CACNA1B: variants seen among roughly 807,000 people sequenced by gnomAD.
CACNA1B encodes voltage-dependent N-type calcium channel subunit alpha-1B.
Under a neutral mutation model 247.2 loss-of-function variants are expected in CACNA1B, and 70 were observed. The observed-to-expected ratio is 0.28, with a 90% confidence interval of 0.23 to 0.35. The LOEUF is 0.35. Ranked by LOEUF, CACNA1B falls within the 10% of genes least tolerant of loss-of-function variation. The pLI is 1.00. For missense variants in CACNA1B, 2,367 were observed against 3,197.4 expected (o/e 0.74, Z 6.26); for synonymous variants, 1,231 against 1,294.4 (o/e 0.95, Z 1.05).
chr9:137,935,782 C>CT (rs71387877), intron 6 of CACNA1B, among the ~76,000 whole-genome samples: 3,402 of 146,650 alleles, frequency 0.023, 48 homozygotes, highest in Middle Eastern at 0.072. Flanking sequence ...CTGACTTTTT[C>CT]TTTTTTTTTT....
intron 3 of CACNA1B, among the ~76,000 whole-genome samples, chr9:137,910,442 G>C (rs1023784997): frequency 6.6e-6 from 1 of 152,132 alleles, no homozygotes; most frequent in Non-Finnish European, 1.5e-5. Context: ...CCAGAGGTCG[G>C]GGGATGGTTT....
chr9:137,921,924 A>ACGGTCAGCACCACGGCCGCGCAGCATCC lies in CACNA1B; in HGVS notation c.966+4493_966+4494insCGGTCAGCACCACGGCCGCGCAGCATCC, dbSNP rs1957487062. On this transcript the variant is annotated intron_variant, in intron 6 of 46. Transcript: ENST00000371372. ...GAGCAGAGTAAAGCGTTCGGAGAACATGGTCAGCACCACGACCGCACAGCA... is the reference window on the plus strand; with the variant it reads ...GAGCAGAGTAAAGCGTTCGGAGAACACGGTCAGCACCACGGCCGCGCAGCATCCTGGTCAGCACCACGACCGCACAGCA... Among the ~76,000 whole-genome samples the ACGGTCAGCACCACGGCCGCGCAGCATCC allele has an allele frequency of 1.4e-5, 2 of 145,982 alleles. 1 individual carries two copies. The highest frequency in any genetic ancestry group is 1.4e-4 in the Admixed American group (2 of 14,718).
chr9:138,022,982 G>T (rs1475538804), intron 18 of CACNA1B, 29 bp from the exon 19 acceptor site: 1 of 1,464,800 alleles, frequency 6.8e-7, no homozygotes, highest in Non-Finnish European at 9.0e-7. Context: ...CGGCAGACGG[G>T]GCCGCGCTCA....
Position 138,073,602 on chromosome 9 carries a change from A to C in CACNA1B, c.4789A>C (p.Lys1597Gln). ...ILLWTFVQSF[K>Q]ALPYVCLLIA... ...GCTGTGGACCTTTGTCCAGTCCTTC[A>C]AGGTGGGCCAGGCGGGGGGCCTCCA... The change falls in exon 33 of 47, where the codon AAG (lysine) becomes CAG (glutamine). Residue 1597 changes from lysine to glutamine, a missense_variant and splice_region_variant. Around this residue, in one of 12 missense-constraint regions of CACNA1B, gnomAD observed 436 missense variants for 679.5 expected, o/e 0.64. Coordinates refer to ENST00000371372, the MANE Select transcript of CACNA1B (RefSeq NM_000718.4). This position sits in a 1 kb window ranked among gnomAD's most constrained non-coding sequence, Gnocchi z 6.4. The C allele has an allele frequency of 2.5e-6, 4 of 1,576,470 alleles. No homozygotes were observed. Among genetic ancestry groups the C allele is most frequent in the Non-Finnish European group, 3.5e-6 (4 of 1,145,842 alleles).
intron 18 of CACNA1B, among the ~76,000 whole-genome samples, chr9:138,016,211 C>T (rs1958790541): frequency 6.6e-6 from 1 of 152,220 alleles, no homozygotes. Flanking sequence ...CCCTCTCACA[C>T]ACATGCCTGT....
At chr9:137,946,285 G>A (rs1187903401) in intron 6 of CACNA1B, among the ~76,000 whole-genome samples, 1 of 152,202 alleles carries the variant, frequency 6.6e-6, no homozygotes. Flanking sequence ...GATCAAGTAA[G>A]AGAAGGGGTC....
intron 3 of CACNA1B, among the ~76,000 whole-genome samples, chr9:137,911,698 C>T (rs1957362090): frequency 6.6e-6 from 1 of 152,206 alleles, no homozygotes; most frequent in African/African-American, 2.4e-5. Flanking sequence ...GGATTACAGG[C>T]GTGAACCACT....
At chr9:138,070,798 T>G (rs930217527) in intron 32 of CACNA1B, among the ~76,000 whole-genome samples, 2 of 152,206 alleles carry the variant, frequency 1.3e-5, no homozygotes, top group Admixed American at 6.5e-5. Flanking sequence ...CCACCACACA[T>G]CCACACCTGA....
intron 42 of CACNA1B, 99 bp from the exon 43 acceptor site, chr9:138,117,847 C>T: frequency 4.4e-6 from 4 of 917,486 alleles, no homozygotes; most frequent in South Asian, 2.1e-5. Context: ...ACCTCTGCTG[C>T]ATGTGTTGGA....
rs892010732 is a variant in CACNA1B at position 137,954,273 on chromosome 9, C to T, written c.1071-1425C>T. Among the ~76,000 whole-genome samples, 3 of 152,192 alleles carry T rather than the reference C, an allele frequency of 2.0e-5. No individual in the cohort carries two copies. The highest frequency in any genetic ancestry group is 2.0e-4 in the Admixed American group (3 of 15,294). On this transcript the variant is annotated intron_variant, in intron 7 of 46. Coordinates refer to ENST00000371372, the MANE Select transcript of CACNA1B (RefSeq NM_000718.4). The surrounding 1 kb of genome is among the most constrained non-coding windows in gnomAD (Gnocchi z 4.1). ...CCCAGCCTTGCTCTGTGGGAAAAGC[C>T]GCGGCTCTGCCATGTCTGGGCGAGA...
chr9:138,073,690 G>A lies in CACNA1B; in HGVS notation c.4791+86G>A. 2 of 801,566 alleles carry A rather than the reference G, an allele frequency of 2.5e-6. No individual in the cohort carries two copies. The highest frequency in any genetic ancestry group is 2.8e-5 in the South Asian group (2 of 70,196). The allele number at this position is 801,566 out of a possible 1,614,324, so 49.7% of individuals were successfully genotyped here. On this transcript the variant is annotated intron_variant, in intron 33 of 46. Transcript: ENST00000371372. The surrounding 1 kb of genome is among the most constrained non-coding windows in gnomAD (Gnocchi z 6.4). ...CCCCACCACAGTGGCCCCTCCTTTG[G>A]GAGGCTGGGAGAGGGTATGGCATGC...
chr9:138,025,707 G>C (rs991244209), intron 20 of CACNA1B, among the ~76,000 whole-genome samples: 3 of 152,190 alleles, frequency 2.0e-5, no homozygotes, highest in African/African-American at 7.2e-5. Flanking sequence ...TCACTCACAT[G>C]CTCGGAACAG....
At chr9:137,939,107 A>T (rs1957702092) in intron 6 of CACNA1B, among the ~76,000 whole-genome samples, 1 of 152,268 alleles carries the variant, frequency 6.6e-6, no homozygotes, top group African/African-American at 2.4e-5. Context: ...GATACACAGC[A>T]ACACAATAAT....
rs549300654 is a variant in CACNA1B, at chr9:137,902,670, T to C, written c.531-10510T>C. ...TGCCACCATCCTGTGATATCCACTG[T>C]TAATATTTTGAGCTATTTCCTTCCT... is the stretch of plus-strand genomic sequence containing the variant. On this transcript the variant is annotated intron_variant, in intron 3 of 46. Coordinates refer to ENST00000371372, the MANE Select transcript of CACNA1B (RefSeq NM_000718.4). Among the ~76,000 whole-genome samples the C allele has an allele frequency of 1.8e-4, 28 of 152,344 alleles. 1 individual carries two copies. Among genetic ancestry groups the C allele is most frequent in the South Asian group, 1.5e-3 (7 of 4,826 alleles).
chr9:138,047,518 G>C, intron 23 of CACNA1B, 60 bp downstream of exon 23: 2 of 1,209,396 alleles, frequency 1.7e-6, no homozygotes, highest in Non-Finnish European at 2.5e-6. Context: ...TCATGATTGA[G>C]ATGGGACCAG....
chr9:138,112,528 C>T (rs767758252), intron 40 of CACNA1B, 23 bp downstream of exon 40: 52 of 1,423,042 alleles, frequency 3.7e-5, no homozygotes, highest in Non-Finnish European at 4.5e-5. Flanking sequence ...GTGAGAAATG[C>T]CCCCAGCCCC....
At chr9:137,992,796 CA>C (rs58721134) in intron 15 of CACNA1B, among the ~76,000 whole-genome samples, 1,496 of 104,746 alleles carry the variant, frequency 0.014, 6 homozygotes, top group Admixed American at 0.024. Context: ...GACTCCGTCT[CA>C]AAAAAAAAAA....
At chr9:137,926,109 C>T (rs1283472953) in intron 6 of CACNA1B, among the ~76,000 whole-genome samples, 1 of 146,950 alleles carries the variant, frequency 6.8e-6, no homozygotes, top group Non-Finnish European at 1.5e-5. Flanking sequence ...CACTCTGTCG[C>T]CCAGGCTGGA....
chr9:137,881,513 G>C lies in CACNA1B; in HGVS notation c.391-1231G>C, dbSNP rs1956919908. On this transcript the variant is annotated intron_variant, in intron 2 of 46. Coordinates refer to ENST00000371372, the MANE Select transcript of CACNA1B (RefSeq NM_000718.4). The surrounding 1 kb of genome is among the most constrained non-coding windows in gnomAD (Gnocchi z 4.3). ...TTCCTGTGACTTCCACAGTCCTGAA[G>C]ACGAACCCTCAGGGGAGGCCCTTGA... Among the ~76,000 whole-genome samples the C allele has an allele frequency of 6.6e-6, 1 of 152,174 alleles. No individual in the cohort carries two copies. Among genetic ancestry groups the C allele is most frequent in the Non-Finnish European group, 1.5e-5 (1 of 68,012 alleles).
Sources: allele counts gnomAD v4.1 joint callset (sites outside exome capture counted in the v4.1 genomes callset), GRCh38; gene constraint gnomAD v4.1.1; regional missense constraint gnomAD v4.1.1; non-coding constraint Gnocchi (gnomAD v3.1); transcripts MANE v1.5; gene names NCBI Gene and HGNC (gene_info 2026-07-23, HGNC 2026-07-21).